MAGI2: variants seen among roughly 807,000 people sequenced by gnomAD.
MAGI2 encodes the protein membrane associated guanylate kinase, WW and PDZ domain containing 2.
MAGI2 carries 35 observed loss-of-function variants against 133.3 expected under a neutral mutation model. The observed-to-expected ratio is 0.26, with a 90% CI of 0.20 to 0.35. The LOEUF is 0.35. Among genes scored for constraint, MAGI2 ranks in the 10% least tolerant of loss-of-function variants. The pLI, the probability that MAGI2 is intolerant of heterozygous loss-of-function variation, is 1.00. For synonymous variants in MAGI2, 729 were observed against 710.6 expected (o/e 1.03, Z -0.41); for missense variants, 1,636 against 1,863.4 (o/e 0.88, Z 2.25).
chr7:79,382,236 G>T (rs1843845434), intron 1 of MAGI2, among the ~76,000 whole-genome samples: 1 of 151,614 alleles, frequency 6.6e-6, no homozygotes, highest in African/African-American at 2.4e-5. Flanking sequence ...GGGAAAAAAA[G>T]AGATTTCTTT....
chr7:79,254,456 A>C (rs1833546100), intron 1 of MAGI2, among the ~76,000 whole-genome samples: 2 of 152,186 alleles, frequency 1.3e-5, no homozygotes, highest in South Asian at 4.1e-4. Flanking sequence ...TGTTTTTAAA[A>C]AGTTTTCTTG....
At chr7:78,475,741 T>C (rs556346083) in intron 6 of MAGI2, among the ~76,000 whole-genome samples, 69 of 151,776 alleles carry the variant, frequency 4.5e-4, no homozygotes, top group African/African-American at 1.6e-3. Flanking sequence ...AGATGGGAAG[T>C]AAAGCCACAG....
intron 9 of MAGI2, among the ~76,000 whole-genome samples, chr7:78,336,377 G>A (rs1266705154): frequency 6.6e-6 from 1 of 152,116 alleles, no homozygotes; most frequent in African/African-American, 2.4e-5. Flanking sequence ...AGCGACCACT[G>A]AAAGAGCAGT....
intron 1 of MAGI2, among the ~76,000 whole-genome samples, chr7:79,084,096 A>G (rs1816281789): frequency 6.6e-6 from 1 of 151,606 alleles, no homozygotes; most frequent in East Asian, 1.9e-4. Flanking sequence ...ATCTTTTCAA[A>G]GAATCAATTT....
chr7:79,038,484 T>C (rs1811322669), intron 1 of MAGI2, among the ~76,000 whole-genome samples: 1 of 152,182 alleles, frequency 6.6e-6, no homozygotes, highest in Non-Finnish European at 1.5e-5. Context: ...CTTTCTGTTA[T>C]GAGCCAGTAG....
chr7:78,565,088 G>A lies in MAGI2; in HGVS notation c.539-43443C>T, dbSNP rs1448642712. ...GATTACAGGTGTGAGCACCGCGCCC[G>A]GCCTCCTTGACCTTCTTTTCTTCAA... On this transcript the variant is annotated intron_variant, in intron 3 of 21. Transcript: ENST00000354212. Among the ~76,000 whole-genome samples, 7 of 151,716 alleles carry A rather than the reference G, an allele frequency of 4.6e-5. No homozygotes were observed. The South Asian group carries it at 6.3e-4, about 14-fold the overall frequency.
intron 9 of MAGI2, among the ~76,000 whole-genome samples, chr7:78,329,223 T>C (rs1198444749): frequency 6.6e-6 from 1 of 152,194 alleles, no homozygotes; most frequent in Non-Finnish European, 1.5e-5. Context: ...GCAGCAGTTT[T>C]GATATTTGCA....
intron 1 of MAGI2, among the ~76,000 whole-genome samples, chr7:79,249,655 A>C (rs1212663883): frequency 6.6e-6 from 1 of 152,176 alleles, no homozygotes; most frequent in Non-Finnish European, 1.5e-5. Context: ...AGCTGTAATT[A>C]AAATTCACCC....
At chr7:78,398,517 G>T (rs10241441) in intron 6 of MAGI2, among the ~76,000 whole-genome samples, 29,012 of 152,056 alleles carry the variant, frequency 0.19, 2,977 homozygotes, top group South Asian at 0.24. Flanking sequence ...CCTGACTATA[G>T]ACCCCCGACC....
chr7:79,167,093 AT>A (rs1172386242), intron 1 of MAGI2, among the ~76,000 whole-genome samples: 1 of 152,054 alleles, frequency 6.6e-6, no homozygotes, highest in Non-Finnish European at 1.5e-5. Context: ...AGGTTTGCAC[AT>A]TTTTGTTCCA....
At chr7:78,805,513 T>A (rs1269784390) in intron 2 of MAGI2, among the ~76,000 whole-genome samples, 1 of 152,138 alleles carries the variant, frequency 6.6e-6, no homozygotes, top group Non-Finnish European at 1.5e-5. Context: ...AAAGTTTAGC[T>A]AAAACTTATG....
At chr7:78,633,629 C>T (rs1480058290) in intron 2 of MAGI2, among the ~76,000 whole-genome samples, 1 of 150,454 alleles carries the variant, frequency 6.6e-6, no homozygotes, top group Non-Finnish European at 1.5e-5. Flanking sequence ...TGGCGTGAAC[C>T]CGGAAGGCGG....
Position 79,109,256 on chromosome 7 carries a change from A to G in MAGI2, c.302-102050T>C, listed in dbSNP as rs570027451. 2.3e-4 allele frequency among the ~76,000 whole-genome samples: 35 copies of G among 152,250 alleles called. 1 individual carries two copies. The South Asian group carries it at 7.2e-3, about 32-fold the overall frequency. ...ACAGGAAGATGAGGGAAGCCTTGAA[A>G]CTTTTTAGAGACTAGTTAAATGCTT... is the stretch of plus-strand genomic sequence containing the variant. On this transcript the variant is annotated intron_variant, in intron 1 of 21. Transcript: ENST00000354212.
chr7:78,883,773 A>T (rs971822374), intron 2 of MAGI2, among the ~76,000 whole-genome samples: 2 of 152,202 alleles, frequency 1.3e-5, no homozygotes, highest in Non-Finnish European at 2.9e-5. Flanking sequence ...CCTATTTAAT[A>T]ACTGGTGCTG....
chr7:79,237,623 A>G (rs1309953930), intron 1 of MAGI2, among the ~76,000 whole-genome samples: 1 of 152,172 alleles, frequency 6.6e-6, no homozygotes, highest in Admixed American at 6.5e-5. Flanking sequence ...GTCTCTCTCC[A>G]TACTCATGCC....
chr7:78,258,614 T>A (rs909774028), intron 9 of MAGI2, among the ~76,000 whole-genome samples: 1 of 152,160 alleles, frequency 6.6e-6, no homozygotes, highest in Admixed American at 6.5e-5. Context: ...AAAAACAATA[T>A]CTCTAAATAG....
chr7:79,430,140 T>G, intron 1 of MAGI2, among the ~76,000 whole-genome samples: 1 of 152,232 alleles, frequency 6.6e-6, no homozygotes, highest in Middle Eastern at 3.4e-3. Context: ...ATTTGCTAAA[T>G]AGGAAATATC....
chr7:78,043,068 G>A (rs1811022892), intron 21 of MAGI2, among the ~76,000 whole-genome samples: 1 of 152,208 alleles, frequency 6.6e-6, no homozygotes, highest in African/African-American at 2.4e-5. Context: ...GTGACCTTGG[G>A]CAAGCCACAG....
intron 1 of MAGI2, among the ~76,000 whole-genome samples, chr7:79,228,693 T>G (rs538852964): frequency 3.7e-4 from 56 of 152,258 alleles, no homozygotes; most frequent in African/African-American, 1.3e-3. Flanking sequence ...TGGTTGTGAT[T>G]GTTTGGGCCA....
Sources: gnomAD v4.1 joint callset for allele counts (sites outside exome capture counted in the v4.1 genomes callset) on GRCh38, gnomAD v4.1.1 for gene constraint, MANE v1.5 for transcripts, NCBI Gene and HGNC (gene_info 2026-07-23, HGNC 2026-07-21) for gene names.